Variants in NEGR1 observed in about 807,000 individuals in gnomAD.
NEGR1 encodes neuronal growth regulator 1.
A neutral mutation model predicts 40.9 loss-of-function variants in NEGR1; 10 were observed. The ratio of observed to expected loss-of-function variants is 0.24; its 90% CI spans 0.15 to 0.42. The LOEUF (loss-of-function observed/expected upper bound fraction) is 0.42. NEGR1 is among the 10% of genes least tolerant of loss of function. NEGR1 has a pLI of 1.00. For missense variants in NEGR1, 352 were observed against 438.9 expected, an observed-to-expected ratio of 0.80 and a Z score of 1.77; for synonymous variants, 185 against 166.8, an observed-to-expected ratio of 1.11 and a Z score of -0.84.
chr1:72,266,848 G>GA (rs1655663093), intron 1 of NEGR1, among the ~76,000 whole-genome samples: 1 of 148,542 alleles, frequency 6.7e-6, no homozygotes, highest in African/African-American at 2.5e-5. Flanking sequence ...CCTTTTTTTT[G>GA]AAAATCAATT....
At chr1:72,253,845 T>A (rs1655179959) in intron 1 of NEGR1, among the ~76,000 whole-genome samples, 1 of 152,218 alleles carries the variant, frequency 6.6e-6, no homozygotes, top group Admixed American at 6.5e-5. Context: ...AAATTGGATC[T>A]TGGATGTGTT....
intron 4 of NEGR1, among the ~76,000 whole-genome samples, chr1:71,611,939 T>G (rs934805036): frequency 6.6e-6 from 1 of 152,156 alleles, no homozygotes; most frequent in African/African-American, 2.4e-5. Context: ...ATGTATTGCA[T>G]TGGCCGAGTG....
At chr1:71,590,939 T>C (rs1649477795) in intron 6 of NEGR1, among the ~76,000 whole-genome samples, 1 of 152,140 alleles carries the variant, frequency 6.6e-6, no homozygotes, top group African/African-American at 2.4e-5. Context: ...TGCTTGGTGA[T>C]ATGGGAAATA....
intron 1 of NEGR1, among the ~76,000 whole-genome samples, chr1:72,093,183 T>C (rs1451854789): frequency 1.3e-5 from 2 of 151,864 alleles, no homozygotes; most frequent in African/African-American, 2.4e-5. Context: ...ATATAAAAAT[T>C]AGCTGAGCAT....
rs538746311 is a variant in NEGR1 at position 71,563,499 on chromosome 1, A to G, written c.940+29318T>C. The stretch of plus-strand genomic sequence containing the variant: ...ATAATTCAAAATATGCTCCAATCAT[A>G]CAGAGGGAGAGTAAATTATCATCTA... On this transcript the variant is annotated intron_variant, in intron 6 of 6. Transcript: ENST00000357731. Among the ~76,000 whole-genome samples, 4 of 152,102 alleles carry G rather than the reference A, an allele frequency of 2.6e-5. No individual in the cohort carries two copies. The South Asian group carries it at 8.3e-4, about 32-fold the overall frequency.
intron 1 of NEGR1, among the ~76,000 whole-genome samples, chr1:72,000,602 T>C (rs540960436): frequency 6.6e-6 from 1 of 152,312 alleles, no homozygotes; most frequent in Non-Finnish European, 1.5e-5. Flanking sequence ...TCAGAGGAAA[T>C]GAATACATTC....
intron 6 of NEGR1, among the ~76,000 whole-genome samples, chr1:71,506,823 A>G (rs1221865807): frequency 6.6e-6 from 1 of 152,210 alleles, no homozygotes; most frequent in Non-Finnish European, 1.5e-5. Context: ...AAAAACAAAA[A>G]AAACCATAAT....
intron 1 of NEGR1, among the ~76,000 whole-genome samples, chr1:72,078,013 C>A (rs1173241413): frequency 6.6e-6 from 1 of 151,988 alleles, no homozygotes; most frequent in Non-Finnish European, 1.5e-5. Flanking sequence ...GAATGACTAC[C>A]CTGCTGAAAA....
chr1:72,115,087 T>C (rs1649530908), intron 1 of NEGR1, among the ~76,000 whole-genome samples: 2 of 151,788 alleles, frequency 1.3e-5, no homozygotes, highest in Admixed American at 6.6e-5. Flanking sequence ...GTTCAGAGTT[T>C]TGCTCTGTTA....
At position 72,207,796 on chromosome 1, in the gene NEGR1, G is replaced by T. The variant is rs911036212; in HGVS notation, c.176+74523C>A. Among the ~76,000 whole-genome samples the T allele has an allele frequency of 9.2e-5, 14 of 151,548 alleles. 1 individual carries two copies. The highest frequency in any genetic ancestry group is 9.2e-4 in the Admixed American group (14 of 15,164). ...ATTAAAATTCATGAGATTAAAAAAC[G>T]CATTTATTAGCAAGTACAACTAGTT... On this transcript the variant is annotated intron_variant, in intron 1 of 6. Coordinates refer to ENST00000357731, the MANE Select transcript of NEGR1 (RefSeq NM_173808.3).
intron 1 of NEGR1, among the ~76,000 whole-genome samples, chr1:72,143,444 C>G (rs1306716203): frequency 6.6e-6 from 1 of 151,766 alleles, no homozygotes; most frequent in Non-Finnish European, 1.5e-5. Flanking sequence ...GATACATAAA[C>G]TGATGTCCTT....
intron 1 of NEGR1, among the ~76,000 whole-genome samples, chr1:72,087,372 A>G (rs1378222057): frequency 6.6e-6 from 1 of 151,982 alleles, no homozygotes; most frequent in Non-Finnish European, 1.5e-5. Context: ...CGGAGGTTGC[A>G]GTGAGCCAAG....
intron 4 of NEGR1, among the ~76,000 whole-genome samples, chr1:71,676,639 A>G (rs541970785): frequency 6.6e-6 from 1 of 152,292 alleles, no homozygotes; most frequent in South Asian, 2.1e-4. Context: ...ACTGCTAACC[A>G]TTATCTCTTC....
At chr1:71,599,090 C>T (rs1254014537) in intron 5 of NEGR1, among the ~76,000 whole-genome samples, 1 of 152,060 alleles carries the variant, frequency 6.6e-6, no homozygotes, top group Non-Finnish European at 1.5e-5. Context: ...GTTTTTTCAT[C>T]TGTGAAATGG....
chr1:71,797,295 A>G (rs1485599248), intron 2 of NEGR1, among the ~76,000 whole-genome samples: 2 of 152,246 alleles, frequency 1.3e-5, no homozygotes, highest in Non-Finnish European at 2.9e-5. Context: ...CTGGGTCTCA[A>G]CCCAATACTG....
At position 72,013,059 on chromosome 1, in the gene NEGR1, A is replaced by T. The variant is rs1233123528; in HGVS notation, c.177-77748T>A. Among the ~76,000 whole-genome samples the T allele has an allele frequency of 2.0e-5, 3 of 151,922 alleles. No homozygotes were observed. The South Asian group carries it at 6.2e-4, about 32-fold the overall frequency. Reference sequence around the variant, plus strand: ...TAACAGGAGAATGATTATTTAATGTATAGAAGCTTATAAACCCTTCAGGGG... The same window carrying T: ...TAACAGGAGAATGATTATTTAATGTTTAGAAGCTTATAAACCCTTCAGGGG... On this transcript the variant is annotated intron_variant, in intron 1 of 6. Coordinates refer to ENST00000357731, the MANE Select transcript of NEGR1 (RefSeq NM_173808.3).
intron 1 of NEGR1, among the ~76,000 whole-genome samples, chr1:72,088,566 TAAATAGGAGTTC>T (rs1014317805): frequency 7.5e-4 from 114 of 152,200 alleles, no homozygotes; most frequent in African/African-American, 2.7e-3. Flanking sequence ...AGATCTGCCT[TAAATAGGAGTTC>T]AAATAGGAGT....
chr1:71,828,648 G>T (rs564963), intron 2 of NEGR1, among the ~76,000 whole-genome samples: 6,971 of 151,878 alleles, frequency 0.046, 341 homozygotes, highest in African/African-American at 0.12. Context: ...TGGGATACAA[G>T]TCCACATTGT....
At chr1:71,803,531 C>T (rs1315031076) in intron 2 of NEGR1, among the ~76,000 whole-genome samples, 5 of 152,112 alleles carry the variant, frequency 3.3e-5, no homozygotes, top group African/African-American at 9.7e-5. Context: ...CTACCAGCTC[C>T]ATTGGTTCCT....
Sources: gnomAD v4.1 joint callset for allele counts (sites outside exome capture counted in the v4.1 genomes callset) on GRCh38, gnomAD v4.1.1 for gene constraint, MANE v1.5 for transcripts, NCBI Gene and HGNC (gene_info 2026-07-23, HGNC 2026-07-21) for gene names.